Variants in PTPRD observed in about 807,000 individuals in gnomAD.
PTPRD encodes the protein protein tyrosine phosphatase receptor type D.
PTPRD carries 34 observed loss-of-function variants against 214.5 expected under a neutral mutation model. The observed-to-expected ratio is 0.16, with a 90% confidence interval of 0.12 to 0.21. PTPRD has a LOEUF of 0.21. PTPRD is among the 10% of genes least tolerant of loss of function. The probability of loss-of-function intolerance (pLI) is 1.00; values close to 1 mark genes in which losing one functional copy is unlikely to be tolerated. For synonymous variants in PTPRD, 1,128 were observed against 845.7 expected, an observed-to-expected ratio of 1.33 and a Z score of -5.79; for missense variants, 2,545 against 2,398.7, an observed-to-expected ratio of 1.06 and a Z score of -1.27.
chr9:9,501,937 A>C (rs2096429332), intron 8 of PTPRD, among the ~76,000 whole-genome samples: 1 of 151,868 alleles, frequency 6.6e-6, no homozygotes, highest in Admixed American at 6.6e-5. Flanking sequence ...CTTTGGAGGG[A>C]ACTTTAGGAA....
At chr9:9,163,633 GTTATGATA>G (rs2099895205) in intron 10 of PTPRD, among the ~76,000 whole-genome samples, 1 of 151,962 alleles carries the variant, frequency 6.6e-6, no homozygotes, top group African/African-American at 2.4e-5. Flanking sequence ...TGAGAATACA[GTTATGATA>G]TTCTCCCACT....
At chr9:10,142,221 C>T (rs1167420419) in intron 3 of PTPRD, among the ~76,000 whole-genome samples, 123 of 151,750 alleles carry the variant, frequency 8.1e-4, no homozygotes, top group Non-Finnish European at 2.2e-4. Context: ...TGGGCAAGGA[C>T]TTCATGTCTA....
At chr9:10,383,151 G>A (rs1176181835) in intron 2 of PTPRD, among the ~76,000 whole-genome samples, 1 of 151,790 alleles carries the variant, frequency 6.6e-6, no homozygotes, top group Non-Finnish European at 1.5e-5. Context: ...TAAAATGATA[G>A]AAACCATGAA....
intron 14 of PTPRD, among the ~76,000 whole-genome samples, chr9:8,618,197 A>G (rs76411058): frequency 0.024 from 3,722 of 152,220 alleles, 157 homozygotes; most frequent in African/African-American, 0.085. Context: ...AGACAGACGC[A>G]AAAAGAAAAT....
chr9:9,943,292 C>T (rs901148179), intron 4 of PTPRD, among the ~76,000 whole-genome samples: 6 of 152,106 alleles, frequency 3.9e-5, no homozygotes, highest in African/African-American at 1.4e-4. Flanking sequence ...GAGGTTTATT[C>T]TAGGCAGTCA....
intron 10 of PTPRD, among the ~76,000 whole-genome samples, chr9:9,019,325 A>AAAGAAAGAAAGAAAGAAAGAAAGAAAGG (rs1569429511): frequency 1.6e-5 from 1 of 63,418 alleles, no homozygotes; most frequent in Non-Finnish European, 3.5e-5. Context: ...AGAAAGAAAG[A>AAAGAAAGAAAGAAAGAAAGAAAGAAAGG]AAGAAAGAAA....
chr9:9,697,131 G>C (rs957315321), intron 7 of PTPRD, among the ~76,000 whole-genome samples: 1 of 151,940 alleles, frequency 6.6e-6, no homozygotes, highest in Non-Finnish European at 1.5e-5. Context: ...TATTTTTATA[G>C]TGCCTGTCTC....
At chr9:8,498,845 A>C (rs2097334078) in intron 25 of PTPRD, among the ~76,000 whole-genome samples, 1 of 152,118 alleles carries the variant, frequency 6.6e-6, no homozygotes, top group Non-Finnish European at 1.5e-5. Flanking sequence ...AAATATGTAA[A>C]ACTCAAGCGA....
chr9:9,378,036 A>G (rs1374958389), intron 9 of PTPRD, among the ~76,000 whole-genome samples: 1 of 152,060 alleles, frequency 6.6e-6, no homozygotes, highest in Non-Finnish European at 1.5e-5. Flanking sequence ...ATTTCTCACC[A>G]GACTGATATA....
At chr9:9,571,963 GT>G (rs2086588157) in intron 8 of PTPRD, among the ~76,000 whole-genome samples, 1 of 150,960 alleles carries the variant, frequency 6.6e-6, no homozygotes, top group East Asian at 1.9e-4. Flanking sequence ...CGATATTATG[GT>G]TTAGAGAAAC....
chr9:10,444,592 A>C (rs77868716), intron 2 of PTPRD, among the ~76,000 whole-genome samples: 9,422 of 151,874 alleles, frequency 0.062, 437 homozygotes, highest in South Asian at 0.12. Flanking sequence ...ATACATGCCT[A>C]CTATGACAAT....
At chr9:8,718,797 A>G (rs954532918) in intron 12 of PTPRD, among the ~76,000 whole-genome samples, 5 of 152,132 alleles carry the variant, frequency 3.3e-5, no homozygotes, top group African/African-American at 7.2e-5. Context: ...AGGGATTCCA[A>G]TTCTGAACCT....
At chr9:9,379,314 C>T (rs1194448206) in intron 9 of PTPRD, among the ~76,000 whole-genome samples, 1 of 150,904 alleles carries the variant, frequency 6.6e-6, no homozygotes, top group Admixed American at 6.6e-5. Flanking sequence ...CATTGTATTG[C>T]CTTTTCTCCA....
Position 9,131,757 on chromosome 9 carries a change from C to G in PTPRD, c.-143+51547G>C, listed in dbSNP as rs536114986. On this transcript the variant is annotated intron_variant, in intron 10 of 45. Transcript: ENST00000381196. ...ATGAATAGCCAATTCAAATATTTAC[C>G]ATAAGAGATTGGTGACTTAATTATG... 3.9e-4 allele frequency among the ~76,000 whole-genome samples: 59 copies of G among 152,020 alleles called. 4 individuals carry two copies. The South Asian group carries it at 0.011, about 29-fold the overall frequency.
intron 9 of PTPRD, among the ~76,000 whole-genome samples, chr9:9,308,194 T>C (rs1162299759): frequency 1.3e-5 from 2 of 152,162 alleles, no homozygotes; most frequent in African/African-American, 4.8e-5. Context: ...GGCAAATACC[T>C]ACCTAATCCT....
chr9:9,811,668 C>T (rs984238501), intron 5 of PTPRD, among the ~76,000 whole-genome samples: 6 of 152,166 alleles, frequency 3.9e-5, no homozygotes, highest in African/African-American at 1.4e-4. Flanking sequence ...GACCAGGCCA[C>T]TGCACTCCAG....
chr9:10,582,683 T>G (rs547803311), intron 2 of PTPRD, among the ~76,000 whole-genome samples: 4 of 152,240 alleles, frequency 2.6e-5, no homozygotes, highest in African/African-American at 7.2e-5. Flanking sequence ...CCTTATGCCT[T>G]AGATAATCGT....
chr9:9,548,660 A>G (rs1482473805), intron 8 of PTPRD, among the ~76,000 whole-genome samples: 2 of 151,894 alleles, frequency 1.3e-5, no homozygotes, highest in Admixed American at 6.6e-5. Flanking sequence ...AAGAGTTAAA[A>G]GCAAAAGTAT....
At chr9:9,043,683 C>A (rs910133757) in intron 10 of PTPRD, among the ~76,000 whole-genome samples, 1 of 152,050 alleles carries the variant, frequency 6.6e-6, no homozygotes, top group African/African-American at 2.4e-5. Flanking sequence ...GCAGGCGGAT[C>A]ACGTGAGGCC....
Sources: gnomAD v4.1 joint callset for allele counts (sites outside exome capture counted in the v4.1 genomes callset) on GRCh38, gnomAD v4.1.1 for gene constraint, MANE v1.5 for transcripts, NCBI Gene and HGNC (gene_info 2026-07-23, HGNC 2026-07-21) for gene names.